Variants in DEF6 observed in about 807,000 individuals in gnomAD.
The protein encoded by DEF6 is differentially expressed in FDCP 6 homolog.
DEF6 carries 32 observed loss-of-function variants against 80.5 expected under a neutral mutation model. The ratio of observed to expected loss-of-function variants is 0.40; its 90% CI spans 0.30 to 0.53. DEF6 has a LOEUF of 0.53. Ranked by LOEUF, DEF6 falls within the 20% of genes least tolerant of loss-of-function variation. The pLI, the probability that DEF6 is intolerant of heterozygous loss-of-function variation, is 0.57. For synonymous variants in DEF6, 300 were observed against 337.9 expected, an observed-to-expected ratio of 0.89 and a Z score of 1.23; for missense variants, 575 against 818.7, an observed-to-expected ratio of 0.70 and a Z score of 3.63.
intron 1 of DEF6, among the ~76,000 whole-genome samples, chr6:35,308,692 TAAAATAAAA>T (rs1160491538): frequency 4.6e-5 from 6 of 130,966 alleles, no homozygotes; most frequent in African/African-American, 1.4e-4. Flanking sequence ...TAAAATAAAA[TAAAATAAAA>T]TAAAATAAAA....
Position 35,318,133 on chromosome 6 carries a change from T to C in DEF6, c.917-40T>C, listed in dbSNP as rs1791544192. ...AACTCCTAAGGCCCCTTTCGGGCCG[T>C]GTGCGAGGATCCTACTGACCCGCTC... On this transcript the variant is annotated intron_variant, in intron 6 of 10. Coordinates refer to ENST00000316637, the MANE Select transcript of DEF6 (RefSeq NM_022047.4). This position sits in a 1 kb window ranked among gnomAD's most constrained non-coding sequence, Gnocchi z 5.1. The C allele has an allele frequency of 2.6e-6, 4 of 1,533,490 alleles. No homozygotes were observed. The South Asian group carries it at 5.1e-5, about 19-fold the overall frequency. 95.0% of individuals were successfully genotyped at this position (1,533,490 alleles called of 1,614,324 possible).
intron 5 of DEF6, chr6:35,317,464 T>G (rs983466205): frequency 1.9e-5 from 3 of 156,272 alleles, no homozygotes; most frequent in Non-Finnish European, 4.2e-5. Context: ...CACACCTTAG[T>G]ATCCCAACCC....
At chr6:35,304,858 G>C (rs1234899621) in intron 1 of DEF6, among the ~76,000 whole-genome samples, 1 of 151,590 alleles carries the variant, frequency 6.6e-6, no homozygotes, top group African/African-American at 2.4e-5. Flanking sequence ...CTGGGTTAAT[G>C]GCACCCTTTT....
chr6:35,313,796 G>T (rs1192337640), intron 5 of DEF6, among the ~76,000 whole-genome samples: 1 of 152,084 alleles, frequency 6.6e-6, no homozygotes, highest in Non-Finnish European at 1.5e-5. Context: ...TTCTTTTTAT[G>T]GCTGAATAAT....
chr6:35,307,052 T>G (rs1353108699), intron 1 of DEF6, among the ~76,000 whole-genome samples: 3 of 152,238 alleles, frequency 2.0e-5, no homozygotes, highest in Non-Finnish European at 4.4e-5. Context: ...AAACAATGCT[T>G]AATGAGCATT....
Position 35,310,547 on chromosome 6 carries a change from G to A in DEF6, c.326G>A (p.Gly109Glu), listed in dbSNP as rs1388562079. Residue 109 changes from glycine to glutamate, a missense_variant, in exon 3 of 11, where the codon GGG becomes GAG. Gly to Glu is a moderately conservative substitution (Grantham distance 98). Transcript: ENST00000316637. ...AKKNYRADSN[G>E]NSMLSNQDAF... ...AAGAACTATCGGGCAGATAGCAACG[G>A]GAACAGTATGCTCTCCAATCAGGAT... 6.2e-7 allele frequency: 1 copy of A among 1,614,032 alleles called. No homozygotes were observed. The highest frequency in any genetic ancestry group is 1.3e-5 in the African/African-American group (1 of 74,898).
chr6:35,298,833 G>A (rs1052641102), intron 1 of DEF6, among the ~76,000 whole-genome samples: 2 of 152,276 alleles, frequency 1.3e-5, no homozygotes, highest in African/African-American at 2.4e-5. Context: ...GGGTGCCTTC[G>A]TTCACTCTGC....
Position 35,309,753 on chromosome 6 carries a change from C to T in DEF6, c.180C>T (p.Asp60=), listed in dbSNP as rs776898412. Residue 60 remains aspartate (D), a synonymous_variant, in exon 2 of 11, where the codon GAC becomes GAT. Transcript: ENST00000316637. ...AGGAACACTTCCGAGATGATGATGA[C>T]GGCCCTGTGTCCAGCCAGGGATACA... ...ALEEHFRDDD[D]GPVSSQGYMP... 40 of 1,613,970 alleles carry T rather than the reference C, an allele frequency of 2.5e-5. 1 individual carries two copies. Among genetic ancestry groups the T allele is most frequent in the South Asian group, 2.4e-4 (22 of 91,078 alleles).
intron 1 of DEF6, among the ~76,000 whole-genome samples, chr6:35,306,748 T>G (rs909058302): frequency 2.0e-5 from 3 of 152,248 alleles, no homozygotes; most frequent in African/African-American, 7.2e-5. Context: ...TACATGCCAG[T>G]GTAGTATGCA....
At chr6:35,302,752 C>G (rs1343081694) in intron 1 of DEF6, among the ~76,000 whole-genome samples, 1 of 152,320 alleles carries the variant, frequency 6.6e-6, no homozygotes, top group Admixed American at 6.5e-5. Context: ...CCTGGAAACT[C>G]TGAGTCAGTA....
chr6:35,310,194 G>A (rs924803236), intron 2 of DEF6, among the ~76,000 whole-genome samples: 8 of 152,110 alleles, frequency 5.3e-5, no homozygotes, highest in Admixed American at 3.9e-4. Flanking sequence ...TTCCTGCTGG[G>A]TTTCTCCTTC....
chr6:35,318,134 G>A lies in DEF6; in HGVS notation c.917-39G>A. 6.5e-7 allele frequency: 1 copy of A among 1,534,916 alleles called. No individual in the cohort carries two copies. Among genetic ancestry groups the A allele is most frequent in the Non-Finnish European group, 8.8e-7 (1 of 1,142,560 alleles). Reference sequence around the variant, plus strand: ...ACTCCTAAGGCCCCTTTCGGGCCGTGTGCGAGGATCCTACTGACCCGCTCC... The same window carrying A: ...ACTCCTAAGGCCCCTTTCGGGCCGTATGCGAGGATCCTACTGACCCGCTCC... On this transcript the variant is annotated intron_variant, in intron 6 of 10. Coordinates refer to ENST00000316637, the MANE Select transcript of DEF6 (RefSeq NM_022047.4). This position sits in a 1 kb window ranked among gnomAD's most constrained non-coding sequence, Gnocchi z 5.1.
At chr6:35,305,956 A>G (rs1791384069) in intron 1 of DEF6, among the ~76,000 whole-genome samples, 1 of 151,198 alleles carries the variant, frequency 6.6e-6, no homozygotes, top group African/African-American at 2.4e-5. Context: ...GCAATGGCAC[A>G]ATCTCGGCTC....
intron 5 of DEF6, chr6:35,316,168 C>CT (rs34442746): frequency 1.4e-3 from 201 of 148,150 alleles, no homozygotes; most frequent in Non-Finnish European, 2.1e-3. Flanking sequence ...TGTGCCCGGC[C>CT]TTTTTTTTTT....
chr6:35,309,832 G>A, intron 2 of DEF6, 22 bp downstream of exon 2: 2 of 1,612,840 alleles, frequency 1.2e-6, no homozygotes, highest in South Asian at 2.2e-5. Flanking sequence ...CTTGTAGGGA[G>A]CATCTGTAAC....
At chr6:35,310,116 T>C (rs1161101531) in intron 2 of DEF6, among the ~76,000 whole-genome samples, 1 of 152,104 alleles carries the variant, frequency 6.6e-6, no homozygotes, top group Non-Finnish European at 1.5e-5. Context: ...CTTCCCAGAC[T>C]GTCCCCCTGA....
At chr6:35,302,309 TG>T (rs1157796490) in intron 1 of DEF6, among the ~76,000 whole-genome samples, 2 of 152,048 alleles carry the variant, frequency 1.3e-5, no homozygotes, top group Non-Finnish European at 2.9e-5. Flanking sequence ...CAGTGAGCCA[TG>T]GTTATACCAC....
intron 1 of DEF6, among the ~76,000 whole-genome samples, chr6:35,306,578 G>A (rs185210609): frequency 1.3e-5 from 2 of 151,970 alleles, no homozygotes; most frequent in African/African-American, 2.4e-5. Flanking sequence ...AACAGTTTGT[G>A]AGTCTTCTAG....
intron 3 of DEF6, among the ~76,000 whole-genome samples, chr6:35,310,935 C>T (rs574577840): frequency 4.6e-5 from 7 of 152,258 alleles, no homozygotes; most frequent in Non-Finnish European, 1.0e-4. Context: ...GGTCTAAATG[C>T]CAGATACATT....
Sources: gnomAD v4.1 joint callset for allele counts (sites outside exome capture counted in the v4.1 genomes callset) on GRCh38, gnomAD v4.1.1 for gene constraint, Gnocchi (gnomAD v3.1) non-coding constraint, MANE v1.5 for transcripts, NCBI Gene and HGNC (gene_info 2026-07-23, HGNC 2026-07-21) for gene names.